The following SND1 variants were observed in gnomAD, a reference collection of about 807,000 sequenced individuals.
The protein encoded by SND1 is staphylococcal nuclease and tudor domain containing 1.
SND1 carries 38 observed loss-of-function variants against 121.7 expected under a neutral mutation model. The ratio of observed to expected loss-of-function variants is 0.31; its 90% CI spans 0.24 to 0.41. SND1 has a LOEUF of 0.41. SND1 is among the 10% of genes least tolerant of loss of function. The probability of loss-of-function intolerance (pLI) is 1.00; values close to 1 mark genes in which losing one functional copy is unlikely to be tolerated. For missense variants in SND1, 868 were observed against 1,184.6 expected, an observed-to-expected ratio of 0.73 and a Z score of 3.92; for synonymous variants, 401 against 447.4, an observed-to-expected ratio of 0.90 and a Z score of 1.31.
At chr7:127,912,613 T>C (rs1009460201) in intron 14 of SND1, among the ~76,000 whole-genome samples, 10 of 152,232 alleles carry the variant, frequency 6.6e-5, no homozygotes, top group African/African-American at 1.9e-4. Context: ...TTCTTTAGTC[T>C]CTTTGAGCCT....
chr7:127,713,877 C>T (rs893633393), intron 9 of SND1, among the ~76,000 whole-genome samples: 13 of 152,224 alleles, frequency 8.5e-5, no homozygotes, highest in South Asian at 2.1e-4. Context: ...GAAGCATGTT[C>T]ACTTCACAGC....
chr7:127,688,243 AGCCTC>A (rs1795851537), intron 2 of SND1, among the ~76,000 whole-genome samples: 1 of 151,928 alleles, frequency 6.6e-6, no homozygotes, highest in Admixed American at 6.6e-5. Flanking sequence ...CACACCCCTC[AGCCTC>A]TAATGCCCAG....
rs188768555 is a variant in SND1, at chr7:127,914,596, C to T, written c.1527+9777C>T. Among the ~76,000 whole-genome samples, 12 of 152,288 alleles carry T rather than the reference C, an allele frequency of 7.9e-5. No individual in the cohort carries two copies. The East Asian group carries it at 2.3e-3, about 29-fold the overall frequency. On this transcript the variant is annotated intron_variant, in intron 14 of 23. Coordinates refer to ENST00000354725, the MANE Select transcript of SND1 (RefSeq NM_014390.4). ...GTATCTCATTATAGTGCCCAGTTTA[C>T]ATTCAGTTTGCCAAGTGATGGGCTC...
intron 12 of SND1, among the ~76,000 whole-genome samples, chr7:127,881,993 C>G (rs1375841512): frequency 6.6e-6 from 1 of 152,154 alleles, no homozygotes; most frequent in East Asian, 1.9e-4. Flanking sequence ...TGGCTCATGC[C>G]TGTAATCTCA....
At chr7:128,031,458 G>C (rs79520962) in intron 16 of SND1, 1 of 151,728 alleles carries the variant, frequency 6.6e-6, no homozygotes, top group South Asian at 2.1e-4. Context: ...GGAGCGGCGA[G>C]AGTTAAGAGG....
At chr7:127,700,506 C>T (rs1796082890) in intron 4 of SND1, among the ~76,000 whole-genome samples, 1 of 152,110 alleles carries the variant, frequency 6.6e-6, no homozygotes, top group Admixed American at 6.5e-5. Flanking sequence ...CTGCCTTTAG[C>T]TCAGATATAA....
intron 10 of SND1, among the ~76,000 whole-genome samples, chr7:127,737,551 G>A (rs1478402837): frequency 6.6e-6 from 1 of 152,206 alleles, no homozygotes; most frequent in Admixed American, 6.5e-5. Context: ...CTCCAGCCTG[G>A]GCGATAAGAA....
intron 10 of SND1, among the ~76,000 whole-genome samples, chr7:127,749,375 G>C (rs536532012): frequency 6.6e-6 from 1 of 152,320 alleles, no homozygotes; most frequent in African/African-American, 2.4e-5. Context: ...AGTCTTGAAA[G>C]CTATCTATCC....
intron 11 of SND1, among the ~76,000 whole-genome samples, chr7:127,824,669 A>G (rs183563312): frequency 5.3e-5 from 8 of 152,092 alleles, no homozygotes; most frequent in Admixed American, 3.9e-4. Flanking sequence ...TATTCCTTTA[A>G]TGTTTGCACA....
chr7:127,837,920 G>A (rs533489804), intron 11 of SND1, among the ~76,000 whole-genome samples: 28 of 152,258 alleles, frequency 1.8e-4, no homozygotes, highest in Admixed American at 7.8e-4. Context: ...AGAAGGGTGC[G>A]ACTCCTGGAT....
chr7:127,700,439 T>C (rs1393818564), intron 4 of SND1, among the ~76,000 whole-genome samples: 3 of 152,166 alleles, frequency 2.0e-5, no homozygotes, highest in Non-Finnish European at 2.9e-5. Flanking sequence ...AGTTTATGCA[T>C]ACAGCCGTTG....
chr7:127,705,782 T>C (rs1045820645), intron 8 of SND1, among the ~76,000 whole-genome samples: 1 of 152,222 alleles, frequency 6.6e-6, no homozygotes, highest in Non-Finnish European at 1.5e-5. Flanking sequence ...CTGATGACAG[T>C]AGTCCACTCT....
chr7:128,061,737 A>G (rs536862527), intron 16 of SND1, among the ~76,000 whole-genome samples: 1 of 152,388 alleles, frequency 6.6e-6, no homozygotes, highest in Admixed American at 6.5e-5. Context: ...CCAGCCTCTG[A>G]CATGCTGCAT....
rs557901492 is a variant in SND1, at chr7:127,930,845, A to G, written c.1669+1516A>G. Among the ~76,000 whole-genome samples the G allele has an allele frequency of 1.2e-4, 18 of 152,232 alleles. 1 individual carries two copies. In the East Asian group the frequency reaches 3.1e-3, roughly 26 times the overall value. On this transcript the variant is annotated intron_variant, in intron 15 of 23. Coordinates refer to ENST00000354725, the MANE Select transcript of SND1 (RefSeq NM_014390.4). ...TGCACTTCTTTTTATTGTGCTTCAG[A>G]TATTGCATTTTTTTTATAGATAGGA...
At chr7:127,701,540 C>T (rs879575379) in intron 5 of SND1, among the ~76,000 whole-genome samples, 10 of 142,022 alleles carry the variant, frequency 7.0e-5, no homozygotes, top group Non-Finnish European at 9.5e-5. Flanking sequence ...GAAGCTAGTC[C>T]TGTGCTGTTG....
intron 15 of SND1, among the ~76,000 whole-genome samples, chr7:127,988,373 C>T (rs1301090599): frequency 6.6e-6 from 1 of 152,172 alleles, no homozygotes; most frequent in Non-Finnish European, 1.5e-5. Context: ...CTTCGGCTTC[C>T]TACTCTTGTC....
At chr7:127,785,500 A>G (rs1797796063) in intron 10 of SND1, among the ~76,000 whole-genome samples, 2 of 152,202 alleles carry the variant, frequency 1.3e-5, no homozygotes, top group African/African-American at 2.4e-5. Context: ...CTTGATGGCC[A>G]TTGGGGAACT....
intron 12 of SND1, among the ~76,000 whole-genome samples, chr7:127,847,919 A>G (rs910009879): frequency 3.3e-5 from 5 of 152,118 alleles, no homozygotes; most frequent in African/African-American, 7.2e-5. Context: ...AAGTGCTGGG[A>G]GGGTAGGTTT....
intron 16 of SND1, among the ~76,000 whole-genome samples, chr7:128,012,277 G>A (rs1273995413): frequency 6.6e-6 from 1 of 152,134 alleles, no homozygotes; most frequent in Non-Finnish European, 1.5e-5. Flanking sequence ...CGTACAACTA[G>A]ACAATATTGT....
Sources: gnomAD v4.1 joint callset for allele counts (sites outside exome capture counted in the v4.1 genomes callset) on GRCh38, gnomAD v4.1.1 for gene constraint, MANE v1.5 for transcripts, NCBI Gene and HGNC (gene_info 2026-07-23, HGNC 2026-07-21) for gene names.